EFCAB11: variants seen among roughly 807,000 people sequenced by gnomAD.
EFCAB11 encodes EF-hand calcium binding domain 11, also known as EF-hand calcium-binding domain-containing protein 11.
In EFCAB11, 14 loss-of-function variants were observed where a neutral mutation model predicts 23.0. The ratio of observed to expected loss-of-function variants is 0.61; its 90% CI spans 0.40 to 0.95. The LOEUF (loss-of-function observed/expected upper bound fraction) is 0.95. Among genes scored for constraint, EFCAB11 ranks in the 40% least tolerant of loss-of-function variants. The pLI is 0.00. For missense variants in EFCAB11, 198 were observed against 195.8 expected (o/e 1.01, Z -0.07); for synonymous variants, 65 against 66.6 (o/e 0.98, Z 0.11).
At chr14:89,863,125 G>A (rs1331087694) in intron 5 of EFCAB11, among the ~76,000 whole-genome samples, 1 of 152,088 alleles carries the variant, frequency 6.6e-6, no homozygotes, top group African/African-American at 2.4e-5. Context: ...AAAATGAAGA[G>A]TAAAGGACAG....
rs549152761 is a variant in EFCAB11 at position 89,912,782 on chromosome 14, T to C, written c.410+18759A>G. Among the ~76,000 whole-genome samples, 7 of 152,348 alleles carry C rather than the reference T, an allele frequency of 4.6e-5. No homozygotes were observed. The South Asian group carries it at 1.0e-3, about 23-fold the overall frequency. On this transcript the variant is annotated intron_variant, in intron 5 of 5. Transcript: ENST00000316738. The stretch of plus-strand genomic sequence containing the variant: ...CGGGAACAACAAAGGAATAAACTAC[T>C]GCAGGCATCACCAGGACTGGAATGA...
chr14:89,931,896 G>A (rs1252060108), intron 4 of EFCAB11, among the ~76,000 whole-genome samples: 1 of 152,186 alleles, frequency 6.6e-6, no homozygotes, highest in Non-Finnish European at 1.5e-5. Context: ...CAGTACCAGA[G>A]ATAGCACTAT....
chr14:89,924,635 T>C (rs767290255), intron 5 of EFCAB11: 4 of 1,535,664 alleles, frequency 2.6e-6, no homozygotes, highest in South Asian at 2.4e-5. Context: ...TTAAGTCAGC[T>C]TCCTGATGAC....
intron 5 of EFCAB11, among the ~76,000 whole-genome samples, chr14:89,912,695 TAA>T (rs1444435703): frequency 1.3e-5 from 2 of 152,220 alleles, no homozygotes; most frequent in African/African-American, 2.4e-5. Context: ...CGACGAAAGA[TAA>T]AAACTTGTGT....
chr14:89,899,145 C>A (rs1889265576), intron 5 of EFCAB11, among the ~76,000 whole-genome samples: 1 of 152,126 alleles, frequency 6.6e-6, no homozygotes, highest in African/African-American at 2.4e-5. Flanking sequence ...AAGTGGTAGA[C>A]AAATTTGCTT....
At position 89,867,528 on chromosome 14, in the gene EFCAB11, C is replaced by T. The variant is rs1348410437; in HGVS notation, c.410+64013G>A. 2.0e-5 allele frequency among the ~76,000 whole-genome samples: 3 copies of T among 152,220 alleles called. No homozygotes were observed. The East Asian group carries it at 5.8e-4, about 29-fold the overall frequency. Reference sequence around the variant, plus strand: ...ACAAGCTCCTCTTACGGCTGCTCTGCCTCCAGGGTGATCCTGCAGCCCCAA... The same window carrying T: ...ACAAGCTCCTCTTACGGCTGCTCTGTCTCCAGGGTGATCCTGCAGCCCCAA... On this transcript the variant is annotated intron_variant, in intron 5 of 5. Coordinates refer to ENST00000316738, the MANE Select transcript of EFCAB11 (RefSeq NM_145231.4).
intron 5 of EFCAB11, among the ~76,000 whole-genome samples, chr14:89,852,692 G>A (rs553198844): frequency 5.3e-5 from 8 of 152,084 alleles, no homozygotes; most frequent in South Asian, 2.1e-4. Flanking sequence ...TTTATTCCTC[G>A]CACACCTCAA....
chr14:89,953,106 G>A (rs1264865473), intron 2 of EFCAB11, among the ~76,000 whole-genome samples: 2 of 151,140 alleles, frequency 1.3e-5, no homozygotes, highest in African/African-American at 2.4e-5. Context: ...AATTTTAAAC[G>A]TACATATTCC....
chr14:89,835,644 T>TGTGTGTGTGTGTGTGTGTGTGTGTGTGTG (rs1223325732), intron 5 of EFCAB11, among the ~76,000 whole-genome samples: 4 of 57,928 alleles, frequency 6.9e-5, no homozygotes, highest in African/African-American at 2.4e-4. Flanking sequence ...GTGTGTGTGT[T>TGTGTGTGTGTGTGTGTGTGTGTGTGTGTG]TGAGACGTTG....
In EFCAB11 at chr14:89,954,671, A is replaced by G. The variant is rs529637026; in HGVS notation, c.-11T>C. On this transcript the variant is annotated 5_prime_UTR_variant, in exon 1 of 6. Transcript: ENST00000316738. ...CTCGGAGAAGAACATCGCGACTACA[A>G]CAACCGAGCCCCAGCAACCCAACCA... 1.2e-6 allele frequency: 2 copies of G among 1,609,622 alleles called. No individual in the cohort carries two copies. The highest frequency in any genetic ancestry group is 2.2e-5 in the East Asian group (1 of 44,726).
intron 5 of EFCAB11, chr14:89,924,123 C>G (rs963002712): frequency 2.0e-6 from 2 of 985,850 alleles, no homozygotes; most frequent in Non-Finnish European, 1.2e-6. Context: ...ACCCAGCCCC[C>G]ACTAATACTC....
intron 5 of EFCAB11, among the ~76,000 whole-genome samples, chr14:89,810,755 CAAA>C (rs374599977): frequency 7.0e-5 from 8 of 114,168 alleles, no homozygotes; most frequent in Admixed American, 9.3e-5. Flanking sequence ...GACTCCGTCT[CAAA>C]AAAAAAAAAA....
At chr14:89,816,333 T>C (rs1446787530) in intron 5 of EFCAB11, among the ~76,000 whole-genome samples, 1 of 152,194 alleles carries the variant, frequency 6.6e-6, no homozygotes, top group Non-Finnish European at 1.5e-5. Flanking sequence ...ACAAGGATAA[T>C]TTGACTTTTT....
chr14:89,841,952 A>T lies in EFCAB11; in HGVS notation c.411-44628T>A, dbSNP rs1049030964. 2.0e-5 allele frequency among the ~76,000 whole-genome samples: 3 copies of T among 152,054 alleles called. No individual in the cohort carries two copies. In the East Asian group the frequency reaches 5.8e-4, roughly 29 times the overall value. On this transcript the variant is annotated intron_variant, in intron 5 of 5. Transcript: ENST00000316738. The stretch of plus-strand genomic sequence containing the variant: ...GAGTGCTGACCGGGCAGCTCCTCCT[A>T]GGTACCCTACAGGAACTCAAGTCAG...
At chr14:89,938,172 GGAGA>G (rs1160123388) in intron 3 of EFCAB11, 3 of 152,120 alleles carry the variant, frequency 2.0e-5, no homozygotes, top group East Asian at 3.8e-4. Context: ...ATAAACCTGG[GGAGA>G]GTGAAGGAGA....
rs73318896 is a variant in EFCAB11, at chr14:89,858,355, C to T, written c.411-61031G>A. 5.4e-3 allele frequency among the ~76,000 whole-genome samples: 826 copies of T among 152,300 alleles called. 9 individuals carry two copies. The highest frequency in any genetic ancestry group is 0.019 in the African/African-American group (785 of 41,564). On this transcript the variant is annotated intron_variant, in intron 5 of 5. Transcript: ENST00000316738. ...CTAGGACGACCCAGCAAAGCCACTCCCAGATTCCTGACCCACAGATACTGG... is the reference window on the plus strand; with the variant it reads ...CTAGGACGACCCAGCAAAGCCACTCTCAGATTCCTGACCCACAGATACTGG...
intron 3 of EFCAB11, among the ~76,000 whole-genome samples, chr14:89,941,558 A>AT (rs1423752828): frequency 6.2e-5 from 9 of 146,306 alleles, no homozygotes; most frequent in African/African-American, 1.3e-4. Context: ...GGATTTATTT[A>AT]TTTTTTATTT....
intron 5 of EFCAB11, among the ~76,000 whole-genome samples, chr14:89,845,845 G>A (rs1887415761): frequency 6.6e-6 from 1 of 152,122 alleles, no homozygotes; most frequent in South Asian, 2.1e-4. Flanking sequence ...TCTGGACAGG[G>A]GCCCCAGGGT....
At chr14:89,911,593 A>C (rs1007137395) in intron 5 of EFCAB11, among the ~76,000 whole-genome samples, 5 of 152,136 alleles carry the variant, frequency 3.3e-5, no homozygotes, top group Non-Finnish European at 1.5e-5. Flanking sequence ...AGATAAAAAG[A>C]CCCCTGTAAA....
Sources: gnomAD v4.1 joint callset for allele counts (sites outside exome capture counted in the v4.1 genomes callset) on GRCh38, gnomAD v4.1.1 for gene constraint, MANE v1.5 for transcripts, NCBI Gene and HGNC (gene_info 2026-07-23, HGNC 2026-07-21) for gene names.